Variants in CSMD1 observed in about 807,000 individuals in gnomAD.
CSMD1 encodes CUB and Sushi multiple domains 1.
Under a neutral mutation model 417.5 loss-of-function variants are expected in CSMD1, and 213 were observed. The observed-to-expected ratio is 0.51, with a 90% CI of 0.46 to 0.57. CSMD1 has a LOEUF of 0.57. Among genes scored for constraint, CSMD1 ranks in the 20% least tolerant of loss-of-function variants. The pLI is 0.00. For missense variants in CSMD1, 6,923 were observed against 4,529.7 expected, an observed-to-expected ratio of 1.53 and a Z score of -15.17; for synonymous variants, 2,862 against 1,736.8, an observed-to-expected ratio of 1.65 and a Z score of -16.11.
chr8:4,243,619 G>A (rs1027148553), intron 3 of CSMD1, among the ~76,000 whole-genome samples: 17 of 151,920 alleles, frequency 1.1e-4, no homozygotes, highest in African/African-American at 3.4e-4. Context: ...CTTAACCACC[G>A]AAAACACAGA....
rs1816478216 is a variant in CSMD1 at position 3,110,986 on chromosome 8, G to A, written c.6431-651C>T. ...TTTAATGGCAATTATTTTATTTATG[G>A]AAAATGACATGTCCAAACACTAATG... On this transcript the variant is annotated intron_variant, in intron 42 of 69. Transcript: ENST00000635120. Among the ~76,000 whole-genome samples, 7 of 151,990 alleles carry A rather than the reference G, an allele frequency of 4.6e-5. No individual in the cohort carries two copies. The South Asian group carries it at 1.5e-3, about 32-fold the overall frequency.
intron 1 of CSMD1, among the ~76,000 whole-genome samples, chr8:4,874,502 G>T (rs960568875): frequency 6.7e-6 from 1 of 149,268 alleles, no homozygotes; most frequent in Admixed American, 6.8e-5. Flanking sequence ...CAGTTCTCCT[G>T]CCTCAGCCTC....
chr8:4,644,813 A>G (rs1803417919), intron 1 of CSMD1, among the ~76,000 whole-genome samples: 2 of 152,226 alleles, frequency 1.3e-5, no homozygotes, highest in South Asian at 4.1e-4. Flanking sequence ...TAAACCTTCC[A>G]AGAGTGAAGA....
At chr8:4,980,489 G>A (rs1428770711) in intron 1 of CSMD1, among the ~76,000 whole-genome samples, 2 of 152,214 alleles carry the variant, frequency 1.3e-5, no homozygotes, top group Admixed American at 1.3e-4. Context: ...GAGAAACACT[G>A]TAAAATGAAA....
chr8:3,145,321 G>A (rs868635987), intron 40 of CSMD1, among the ~76,000 whole-genome samples: 1 of 152,152 alleles, frequency 6.6e-6, no homozygotes, highest in African/African-American at 2.4e-5. Flanking sequence ...GGCTGAGAAT[G>A]TGCTCACTTC....
intron 1 of CSMD1, among the ~76,000 whole-genome samples, chr8:4,717,705 G>C (rs17071113): frequency 0.037 from 5,654 of 152,066 alleles, 112 homozygotes; most frequent in East Asian, 0.08. Context: ...GGGTAACCAA[G>C]AGAATCACAT....
intron 1 of CSMD1, among the ~76,000 whole-genome samples, chr8:4,724,055 C>T (rs1169967809): frequency 6.6e-6 from 1 of 152,100 alleles, no homozygotes; most frequent in South Asian, 2.1e-4. Context: ...TCTTCTAGTA[C>T]TGAAAATAGT....
chr8:3,445,375 T>A (rs967511096), intron 12 of CSMD1, among the ~76,000 whole-genome samples: 6 of 152,170 alleles, frequency 3.9e-5, no homozygotes, highest in Non-Finnish European at 8.8e-5. Context: ...ACCATCTTAT[T>A]TTCACAAACA....
intron 1 of CSMD1, among the ~76,000 whole-genome samples, chr8:4,922,869 C>G (rs1010380849): frequency 6.6e-6 from 1 of 152,176 alleles, no homozygotes; most frequent in Non-Finnish European, 1.5e-5. Flanking sequence ...AAAGTTTTAA[C>G]TGGCATCTTC....
At chr8:4,423,747 G>T (rs768686118) in intron 2 of CSMD1, among the ~76,000 whole-genome samples, 1 of 151,392 alleles carries the variant, frequency 6.6e-6, no homozygotes, top group South Asian at 2.1e-4. Flanking sequence ...AAAAAAAATA[G>T]AATAGCTCAA....
At chr8:4,697,390 C>G (rs1472441961) in intron 1 of CSMD1, among the ~76,000 whole-genome samples, 3 of 152,168 alleles carry the variant, frequency 2.0e-5, no homozygotes, top group East Asian at 1.9e-4. Context: ...TAAGTGGCTA[C>G]TTTACATGCT....
At chr8:3,676,144 G>A (rs918368277) in intron 7 of CSMD1, among the ~76,000 whole-genome samples, 2 of 152,172 alleles carry the variant, frequency 1.3e-5, no homozygotes, top group African/African-American at 2.4e-5. Context: ...ACCTAGAATA[G>A]GTAAATTGTT....
At chr8:3,638,117 G>C (rs1036536469) in intron 7 of CSMD1, among the ~76,000 whole-genome samples, 1 of 152,078 alleles carries the variant, frequency 6.6e-6, no homozygotes, top group African/African-American at 2.4e-5. Context: ...TTAAACCCAA[G>C]CAGGTTGAGT....
In CSMD1 at chr8:2,955,649, A is replaced by G; in HGVS notation, c.9934T>C (p.Ser3312Pro). Residue 3312 changes from serine (S) to proline (P), a missense_variant, in exon 64 of 70, where the codon TCT becomes CCT. Ser to Pro is a moderately conservative substitution (Grantham distance 74). Coordinates refer to ENST00000635120, the MANE Select transcript of CSMD1 (RefSeq NM_033225.6). ...TCTGCTTTACATGTTCTGTGCTCAG[A>G]TCCCCCTGCGAGGAAAAAGCCTGGA... is the stretch of plus-strand genomic sequence containing the variant. ...CHPGFFLAGG[S>P]EHRTCKADMK... The G allele has an allele frequency of 6.2e-7, 1 of 1,613,860 alleles. No homozygotes were observed. The highest frequency in any genetic ancestry group is 8.5e-7 in the Non-Finnish European group (1 of 1,179,824).
intron 26 of CSMD1, among the ~76,000 whole-genome samples, chr8:3,269,312 G>A (rs1435072685): frequency 1.3e-5 from 2 of 152,212 alleles, no homozygotes; most frequent in Non-Finnish European, 1.5e-5. Flanking sequence ...GATGCCGAGA[G>A]CAGAGGGGAG....
chr8:3,503,484 T>A (rs192442792), intron 10 of CSMD1, among the ~76,000 whole-genome samples: 4 of 152,342 alleles, frequency 2.6e-5, no homozygotes, highest in Non-Finnish European at 4.4e-5. Flanking sequence ...GACGGCGGCA[T>A]CAGCTGGCAG....
intron 2 of CSMD1, among the ~76,000 whole-genome samples, chr8:4,600,238 C>A (rs1800511727): frequency 6.6e-6 from 1 of 151,940 alleles, no homozygotes; most frequent in African/African-American, 2.4e-5. Context: ...TGATACTCTA[C>A]TCTCTCTCTC....
At chr8:3,909,860 G>C (rs527910788) in intron 5 of CSMD1, among the ~76,000 whole-genome samples, 5 of 152,110 alleles carry the variant, frequency 3.3e-5, no homozygotes, top group South Asian at 2.1e-4. Context: ...CTGTATACAA[G>C]TTGATGGAAT....
At chr8:3,703,727 A>G (rs931204) in intron 7 of CSMD1, among the ~76,000 whole-genome samples, 145,501 of 152,126 alleles carry the variant, frequency 0.96, 69,654 homozygotes, top group East Asian at 1. Context: ...TCAAGTGAAA[A>G]AAGCAGGAGT....
Sources: allele counts gnomAD v4.1 joint callset (sites outside exome capture counted in the v4.1 genomes callset), GRCh38; gene constraint gnomAD v4.1.1; transcripts MANE v1.5; gene names NCBI Gene and HGNC (gene_info 2026-07-23, HGNC 2026-07-21).